NSFL1C: variants seen among roughly 807,000 people sequenced by gnomAD.
The protein encoded by NSFL1C is NSFL1 cofactor p47.
Under a neutral mutation model 43.1 loss-of-function variants are expected in NSFL1C, and 14 were observed. The observed-to-expected ratio is 0.32, with a 90% CI of 0.21 to 0.51. NSFL1C has a LOEUF of 0.51. Among genes scored for constraint, NSFL1C ranks in the 20% least tolerant of loss-of-function variants. The pLI, the probability that NSFL1C is intolerant of heterozygous loss-of-function variation, is 0.98. For missense variants in NSFL1C, 406 were observed against 472.5 expected, an observed-to-expected ratio of 0.86 and a Z score of 1.30; for synonymous variants, 171 against 183.5, an observed-to-expected ratio of 0.93 and a Z score of 0.55.
At chr20:1,463,520 T>G (rs2122962623) in intron 2 of NSFL1C, 1 of 152,374 alleles carries the variant, frequency 6.6e-6, no homozygotes, top group East Asian at 1.9e-4. Context: ...AAATATATTT[T>G]AAACCTCAGT....
intron 7 of NSFL1C, among the ~76,000 whole-genome samples, chr20:1,449,681 C>A (rs905495056): frequency 6.6e-6 from 1 of 152,158 alleles, no homozygotes; most frequent in African/African-American, 2.4e-5. Context: ...TGTCTCCCTG[C>A]AAACATCGTA....
At chr20:1,453,406 G>A (rs1232060270) in intron 5 of NSFL1C, among the ~76,000 whole-genome samples, 2 of 152,220 alleles carry the variant, frequency 1.3e-5, no homozygotes, top group South Asian at 2.1e-4. Context: ...CCACTCACTA[G>A]CTATATGGCT....
At chr20:1,445,923 T>A in intron 7 of NSFL1C, 93 bp from the exon 8 acceptor site, 3 of 1,347,746 alleles carry the variant, frequency 2.2e-6, no homozygotes, top group Non-Finnish European at 3.1e-6. Flanking sequence ...GCATTTGCAA[T>A]GCGCCTGGCA....
At chr20:1,466,077 G>A (rs936129148) in intron 1 of NSFL1C, among the ~76,000 whole-genome samples, 1 of 152,170 alleles carries the variant, frequency 6.6e-6, no homozygotes, top group African/African-American at 2.4e-5. Flanking sequence ...CATTGTTCCA[G>A]GCACTGGGAA....
In NSFL1C at chr20:1,464,433, C is replaced by G. The variant is rs1388131538; in HGVS notation, c.106-7G>C. 1 of 1,613,578 alleles carries G rather than the reference C, an allele frequency of 6.2e-7. No homozygotes were observed. Among genetic ancestry groups the G allele is most frequent in the Admixed American group, 1.7e-5 (1 of 60,036 alleles). On this transcript the variant is annotated splice_polypyrimidine_tract_variant and splice_region_variant and intron_variant, in intron 1 of 8. Transcript: ENST00000216879. ...AAAAGCTCGCTAGCGCGATCTGAAA[C>G]AGAGAGGTAGTACCTTGGGACCCTT...
intron 7 of NSFL1C, among the ~76,000 whole-genome samples, chr20:1,449,908 T>C (rs2090149516): frequency 6.6e-6 from 1 of 152,208 alleles, no homozygotes; most frequent in Middle Eastern, 3.2e-3. Flanking sequence ...GCACTCTTGC[T>C]GTTTGCAATT....
intron 3 of NSFL1C, chr20:1,455,854 GAC>G (rs753112805): frequency 3.4e-5 from 25 of 727,782 alleles, no homozygotes; most frequent in Non-Finnish European, 5.6e-5. Flanking sequence ...CCATTCATGT[GAC>G]ACACACTGTG....
At chr20:1,455,279 G>A (rs1165309817) in intron 3 of NSFL1C, 147 bp from the exon 4 acceptor site, 2 of 901,708 alleles carry the variant, frequency 2.2e-6, no homozygotes, top group Non-Finnish European at 1.8e-6. Flanking sequence ...CATGGAAGGA[G>A]GCAAGCAGGT....
At chr20:1,466,411 G>A (rs1480484511) in intron 1 of NSFL1C, among the ~76,000 whole-genome samples, 1 of 152,218 alleles carries the variant, frequency 6.6e-6, no homozygotes, top group Non-Finnish European at 1.5e-5. Context: ...GATACTCGGC[G>A]CGGCAGCCAC....
rs568605479 is a variant in NSFL1C at position 1,457,447 on chromosome 20, T to C, written c.278+753A>G. 2.6e-5 allele frequency among the ~76,000 whole-genome samples: 4 copies of C among 152,354 alleles called. No homozygotes were observed. In the South Asian group the frequency reaches 6.2e-4, roughly 24 times the overall value. ...CTCAAAATTTTTGTGGTGAGAACAC[T>C]TGAAATTAACACTTGGCAATTTTGA... On this transcript the variant is annotated intron_variant, in intron 3 of 8. Transcript: ENST00000216879.
intron 2 of NSFL1C, among the ~76,000 whole-genome samples, chr20:1,462,206 C>G (rs1048486355): frequency 1.3e-5 from 2 of 152,166 alleles, no homozygotes; most frequent in South Asian, 2.1e-4. Flanking sequence ...CAGCAGCTGG[C>G]TAAGTGTCCT....
chr20:1,442,441 A>G lies in NSFL1C; in HGVS notation c.*1308T>C, dbSNP rs1359504899. The stretch of plus-strand genomic sequence containing the variant: ...TCATTGCAGGGGTGAAGCAGGAAAG[A>G]GAAAGAGACTGGTGAGGCCTGCTTG... On this transcript the variant is annotated 3_prime_UTR_variant, in exon 9 of 9. Coordinates refer to ENST00000216879, the MANE Select transcript of NSFL1C (RefSeq NM_016143.5). 6.6e-6 allele frequency: 1 copy of G among 152,288 alleles called. No individual in the cohort carries two copies. Among genetic ancestry groups the G allele is most frequent in the Non-Finnish European group, 1.5e-5 (1 of 68,084 alleles). 9.4% of individuals were successfully genotyped at this position (152,288 alleles called of 1,614,324 possible).
chr20:1,452,447 C>G (rs1238598950), intron 7 of NSFL1C, 46 bp downstream of exon 7: 1 of 1,603,320 alleles, frequency 6.2e-7, no homozygotes, highest in African/African-American at 1.3e-5. Context: ...CTGGGCTTGG[C>G]AGGTGTGATT....
chr20:1,449,120 A>G (rs2090132286), intron 7 of NSFL1C, among the ~76,000 whole-genome samples: 1 of 152,252 alleles, frequency 6.6e-6, no homozygotes, highest in African/African-American at 2.4e-5. Flanking sequence ...GGCCAGCAAT[A>G]TGGATCTCAC....
At chr20:1,449,004 C>T (rs1367371199) in intron 7 of NSFL1C, among the ~76,000 whole-genome samples, 1 of 152,184 alleles carries the variant, frequency 6.6e-6, no homozygotes, top group East Asian at 1.9e-4. Flanking sequence ...GTACCCAACA[C>T]ATACTAAAAG....
Position 1,443,718 on chromosome 20 carries a change from C to G in NSFL1C, c.*31G>C. The G allele has an allele frequency of 1.2e-6, 2 of 1,611,536 alleles. No homozygotes were observed. The highest frequency in any genetic ancestry group is 1.7e-6 in the Non-Finnish European group (2 of 1,178,080). On this transcript the variant is annotated 3_prime_UTR_variant, in exon 9 of 9. Coordinates refer to ENST00000216879, the MANE Select transcript of NSFL1C (RefSeq NM_016143.5). ...GCATGGCCACTGGCCATGGGAAACA[C>G]AGGAGGGAGGCCAGGCAGCTGGCTG...
intron 5 of NSFL1C, among the ~76,000 whole-genome samples, chr20:1,453,446 T>C (rs1286712515): frequency 6.6e-6 from 1 of 152,214 alleles, no homozygotes; most frequent in Non-Finnish European, 1.5e-5. Flanking sequence ...GACGCTTTGC[T>C]TGTGCTTGGT....
chr20:1,449,618 T>G (rs574981917), intron 7 of NSFL1C, among the ~76,000 whole-genome samples: 59 of 152,172 alleles, frequency 3.9e-4, no homozygotes, highest in Non-Finnish European at 6.6e-4. Context: ...TGAGGGTGCT[T>G]GATTCACAGG....
rs180695708 is a variant in NSFL1C at position 1,442,570 on chromosome 20, C to G, written c.*1179G>C. On this transcript the variant is annotated 3_prime_UTR_variant, in exon 9 of 9. Transcript: ENST00000216879. ...TACGGGAAAGGGTTCCATCCAAGAG[C>G]CCAATAGGCCTCCTCTCCCAAACCT... The G allele has an allele frequency of 6.6e-6, 1 of 152,320 alleles. No individual in the cohort carries two copies. The highest frequency in any genetic ancestry group is 6.5e-5 in the Admixed American group (1 of 15,304). The allele number at this position is 152,320 out of a possible 1,614,324, so 9.4% of individuals were successfully genotyped here. A position where few individuals can be genotyped will look rare whatever the true frequency, so the allele number is the denominator to read the frequency against.
Sources: gnomAD v4.1 joint callset for allele counts (sites outside exome capture counted in the v4.1 genomes callset) on GRCh38, gnomAD v4.1.1 for gene constraint, MANE v1.5 for transcripts, NCBI Gene and HGNC (gene_info 2026-07-23, HGNC 2026-07-21) for gene names.